The following RRBP1 variants were observed in gnomAD, a reference collection of about 807,000 sequenced individuals.
RRBP1 encodes the protein ribosome binding protein 1, also known as ribosome-binding protein 1.
Under a neutral mutation model 165.2 loss-of-function variants are expected in RRBP1, and 94 were observed. The observed-to-expected ratio is 0.57, with a 90% CI of 0.48 to 0.68. The LOEUF (loss-of-function observed/expected upper bound fraction) is 0.68, where lower values mean the gene tolerates loss of function less well. Among genes scored for constraint, RRBP1 ranks in the 30% least tolerant of loss-of-function variants. The probability of loss-of-function intolerance (pLI) is 0.00; values close to 1 mark genes in which losing one functional copy is unlikely to be tolerated. For synonymous variants in RRBP1, 680 were observed against 714.5 expected (o/e 0.95, Z 0.77); for missense variants, 1,676 against 1,763.0 (o/e 0.95, Z 0.88).
intron 21 of RRBP1, among the ~76,000 whole-genome samples, chr20:17,616,257 G>C (rs899391896): frequency 1.3e-5 from 2 of 152,038 alleles, no homozygotes. Flanking sequence ...CGATGCCTCC[G>C]AGCCCTGGCC....
intron 2 of RRBP1, among the ~76,000 whole-genome samples, chr20:17,673,411 CTTTT>C (rs912169030): frequency 2.0e-5 from 3 of 152,100 alleles, no homozygotes; most frequent in Admixed American, 2.0e-4. Context: ...TGAAGTCTTT[CTTTT>C]TTCTTTTTTT....
intron 11 of RRBP1, among the ~76,000 whole-genome samples, chr20:17,626,634 T>TGGACC (rs2036026473): frequency 6.6e-6 from 1 of 152,164 alleles, no homozygotes; most frequent in African/African-American, 2.4e-5. Flanking sequence ...TACTGCTGCA[T>TGGACC]GGACCCCTAG....
At chr20:17,635,763 AC>A (rs2036236165) in intron 6 of RRBP1, 99 bp from the exon 7 acceptor site, 2 of 889,572 alleles carry the variant, frequency 2.2e-6, no homozygotes, top group South Asian at 1.5e-5. Flanking sequence ...ACAAAAGAAA[AC>A]CCCCAAAAGC....
At chr20:17,617,924 C>T (rs112015194) in intron 20 of RRBP1, among the ~76,000 whole-genome samples, 311 of 152,344 alleles carry the variant, frequency 2.0e-3, no homozygotes, top group African/African-American at 6.7e-3. Flanking sequence ...AGCCTTGGGG[C>T]GGTACCAGAT....
chr20:17,660,570 G>A (rs2036747379), intron 2 of RRBP1, 42 bp from the exon 3 acceptor site: 7 of 1,211,898 alleles, frequency 5.8e-6, no homozygotes, highest in Non-Finnish European at 8.3e-6. Context: ...AGAAATCAAG[G>A]CCTTCAACAG....
At chr20:17,637,857 G>A (rs548920399) in intron 5 of RRBP1, among the ~76,000 whole-genome samples, 3 of 152,190 alleles carry the variant, frequency 2.0e-5, no homozygotes, top group African/African-American at 4.8e-5. Context: ...CTACAGAAGT[G>A]GGGGGCGGGA....
chr20:17,651,752 A>G (rs1388196597), intron 3 of RRBP1, among the ~76,000 whole-genome samples: 1 of 152,224 alleles, frequency 6.6e-6, no homozygotes, highest in Non-Finnish European at 1.5e-5. Context: ...TTTGCTGGAA[A>G]CACATATTTA....
At position 17,626,728 on chromosome 20, in the gene RRBP1, C is replaced by T. The variant is rs1391833001; in HGVS notation, c.2963+620G>A. Among the ~76,000 whole-genome samples, 9 of 151,108 alleles carry T rather than the reference C, an allele frequency of 6.0e-5. No homozygotes were observed. In the South Asian group the frequency reaches 1.5e-3, roughly 25 times the overall value. ...CCAGAAGTGATGGTCACAAGGACTC[C>T]GGCCCCTGACTCGAGCCACCCCACC... On this transcript the variant is annotated intron_variant, in intron 11 of 24. Transcript: ENST00000377813.
intron 13 of RRBP1, chr20:17,623,110 T>A (rs755706350): frequency 2.0e-5 from 3 of 152,258 alleles, no homozygotes; most frequent in Admixed American, 6.5e-5. Context: ...TCTATCTGGA[T>A]GTGTGACCAC....
chr20:17,667,921 T>C (rs898294692), intron 2 of RRBP1, among the ~76,000 whole-genome samples: 1 of 152,246 alleles, frequency 6.6e-6, no homozygotes, highest in African/African-American at 2.4e-5. Flanking sequence ...TGCTGACAGT[T>C]TTCTCTCACC....
At chr20:17,645,640 G>C (rs915190221) in intron 3 of RRBP1, among the ~76,000 whole-genome samples, 15 of 152,264 alleles carry the variant, frequency 9.9e-5, no homozygotes, top group Admixed American at 7.2e-4. Context: ...CTCAGAAGCA[G>C]AGGCAGGATT....
intron 3 of RRBP1, 98 bp downstream of exon 3, chr20:17,658,498 C>T: frequency 9.6e-7 from 1 of 1,046,170 alleles, no homozygotes; most frequent in Admixed American, 2.4e-5. Context: ...CTTATTATGA[C>T]AATAGCTGAC....
intron 24 of RRBP1, 35 bp from the exon 25 acceptor site, chr20:17,614,255 G>C (rs768757114): frequency 1.9e-6 from 3 of 1,608,690 alleles, no homozygotes; most frequent in East Asian, 4.5e-5. Flanking sequence ...AGGGGGGCTG[G>C]GCCACGAGCC....
At chr20:17,667,422 T>C (rs1175926960) in intron 2 of RRBP1, among the ~76,000 whole-genome samples, 1 of 152,264 alleles carries the variant, frequency 6.6e-6, no homozygotes, top group Non-Finnish European at 1.5e-5. Flanking sequence ...CTGTCTTTTC[T>C]AACTTTCTGA....
chr20:17,641,677 C>G (rs749099981), intron 5 of RRBP1, 120 bp downstream of exon 5: 90 of 1,262,668 alleles, frequency 7.1e-5, no homozygotes, highest in Non-Finnish European at 9.0e-5. Context: ...AGCAGCCTGA[C>G]AGCCAGCTAC....
chr20:17,629,541 C>G (rs183647870), intron 9 of RRBP1, among the ~76,000 whole-genome samples: 3 of 152,224 alleles, frequency 2.0e-5, no homozygotes, highest in Non-Finnish European at 4.4e-5. Context: ...GCACCAGGCC[C>G]TCACAGGCCT....
chr20:17,620,380 A>T lies in RRBP1; in HGVS notation c.3508-10T>A. On this transcript the variant is annotated splice_polypyrimidine_tract_variant and intron_variant, in intron 17 of 24. Coordinates refer to ENST00000377813, the MANE Select transcript of RRBP1 (RefSeq NM_001365613.2). ...TCACTGTGACCCGGGACTACAAAGCAAGGGGAAGGCTCCGTCAGACACGAG... is the reference window on the plus strand; with the variant it reads ...TCACTGTGACCCGGGACTACAAAGCTAGGGGAAGGCTCCGTCAGACACGAG... The T allele has an allele frequency of 6.2e-7, 1 of 1,612,258 alleles. No individual in the cohort carries two copies. The highest frequency in any genetic ancestry group is 8.5e-7 in the Non-Finnish European group (1 of 1,178,634).
At chr20:17,623,356 T>G (rs1247903352) in intron 13 of RRBP1, 2 of 152,260 alleles carry the variant, frequency 1.3e-5, no homozygotes, top group African/African-American at 4.8e-5. Context: ...GATATTCCTG[T>G]GAGAGAGGCT....
chr20:17,621,469 G>T lies in RRBP1; in HGVS notation c.3403C>A (p.Leu1135Met). The T allele has an allele frequency of 6.2e-7, 1 of 1,612,096 alleles. No individual in the cohort carries two copies. Among genetic ancestry groups the T allele is most frequent in the Non-Finnish European group, 8.5e-7 (1 of 1,179,680 alleles). Residue 1135 changes from leucine (L) to methionine (M), a missense_variant, in exon 16 of 25, where the codon CTG (leucine) becomes ATG (methionine). This residue lies in a region of RRBP1 where 1,184 missense variants were observed against 1,167.1 expected (regional missense o/e 1.01). Transcript: ENST00000377813. Reference protein sequence around the residue: ...QAECDQYRSILAETEGMLRDL... With the variant: ...QAECDQYRSIMAETEGMLRDL... The stretch of plus-strand genomic sequence containing the variant: ...TTCCCAATGCTCACCGTCTCCGCCA[G>T]GATGCTGCGGTACTGGTCACACTCG...
Sources: allele counts gnomAD v4.1 joint callset (sites outside exome capture counted in the v4.1 genomes callset), GRCh38; gene constraint gnomAD v4.1.1; regional missense constraint gnomAD v4.1.1; transcripts MANE v1.5; gene names NCBI Gene and HGNC (gene_info 2026-07-23, HGNC 2026-07-21).